Variants in PARP6 observed in about 807,000 individuals in gnomAD.
PARP6 encodes the protein poly(ADP-ribose) polymerase family member 6, also known as protein mono-ADP-ribosyltransferase PARP6.
PARP6 carries 27 observed loss-of-function variants against 92.0 expected under a neutral mutation model. The ratio of observed to expected loss-of-function variants is 0.29; its 90% CI spans 0.22 to 0.40. PARP6 has a LOEUF of 0.40. PARP6 is among the 10% of genes least tolerant of loss of function. PARP6 has a pLI of 1.00. For synonymous variants in PARP6, 272 were observed against 281.2 expected, an observed-to-expected ratio of 0.97 and a Z score of 0.33; for missense variants, 501 against 784.5, an observed-to-expected ratio of 0.64 and a Z score of 4.32.
intron 8 of PARP6, among the ~76,000 whole-genome samples, chr15:72,263,455 T>A (rs754230566): frequency 8.5e-5 from 13 of 152,212 alleles, no homozygotes; most frequent in Non-Finnish European, 1.9e-4. Context: ...GCTACCAGAA[T>A]GGTTTTTAAA....
chr15:72,266,856 T>G (rs2086662198), intron 3 of PARP6, 34 bp from the exon 4 acceptor site: 1 of 1,509,622 alleles, frequency 6.6e-7, no homozygotes, highest in Non-Finnish European at 9.2e-7. Context: ...CATGCTTTGT[T>G]AGGTCCCTAT....
chr15:72,267,760 T>TA (rs924690885), intron 2 of PARP6, 89 bp from the exon 3 acceptor site: 3 of 346,678 alleles, frequency 8.7e-6, no homozygotes, highest in African/African-American at 6.4e-5. Context: ...CAATACACTT[T>TA]TTTTTTTTGA....
chr15:72,260,497 G>T lies in PARP6; in HGVS notation c.737C>A (p.Pro246Gln). Residue 246 changes from proline to glutamine, a missense_variant, in exon 10 of 24, where the codon CCA becomes CAA. Transcript: ENST00000569795. ...LCPQHVGLPP[P>Q]ARTSPLVSGH... ...ATGTACCAAAGGAGAGGTCCGTGCTGGGGGAGGGAGGCCCACGTGCTGAGG... is the reference window on the plus strand; with the variant it reads ...ATGTACCAAAGGAGAGGTCCGTGCTTGGGGAGGGAGGCCCACGTGCTGAGG... 6.8e-6 allele frequency: 11 copies of T among 1,613,928 alleles called. No homozygotes were observed. Among genetic ancestry groups the T allele is most frequent in the Non-Finnish European group, 9.3e-6 (11 of 1,179,778 alleles).
chr15:72,255,784 C>CTT lies in PARP6; in HGVS notation c.1125+679_1125+680dup, dbSNP rs67560148. Among the ~76,000 whole-genome samples the CTT allele has an allele frequency of 1.6e-4, 15 of 92,808 alleles. 1 individual carries two copies. Among genetic ancestry groups the CTT allele is most frequent in the African/African-American group, 5.9e-4 (15 of 25,306 alleles). 60.9% of individuals were successfully genotyped at this position (92,808 alleles called of 152,430 possible). On this transcript the variant is annotated intron_variant, in intron 14 of 23. Transcript: ENST00000569795. The stretch of plus-strand genomic sequence containing the variant: ...AGTACTTTACATATATTACTTCTCT[C>CTT]TTTTTTTTTTTTTTTTTTTTTTTTT...
At chr15:72,252,630 C>T (rs980035286) in intron 16 of PARP6, among the ~76,000 whole-genome samples, 2 of 152,046 alleles carry the variant, frequency 1.3e-5, no homozygotes, top group African/African-American at 4.8e-5. Flanking sequence ...GGACTACAGG[C>T]ATGGGCCACC....
At chr15:72,271,706 G>A (rs999316116) in intron 1 of PARP6, among the ~76,000 whole-genome samples, 1 of 152,176 alleles carries the variant, frequency 6.6e-6, no homozygotes, top group Non-Finnish European at 1.5e-5. Flanking sequence ...TGTTAATGAA[G>A]TAAGCAAGAA....
chr15:72,242,722 C>T lies in PARP6; in HGVS notation c.1562-23G>A. 6.5e-7 allele frequency: 1 copy of T among 1,537,492 alleles called. No individual in the cohort carries two copies. The highest frequency in any genetic ancestry group is 8.9e-7 in the Non-Finnish European group (1 of 1,124,236). ...TTCCTGTCACAGAACAATACACCCA[C>T]TTCATTTATCAAAAATTTACGAAAG... is the stretch of plus-strand genomic sequence containing the variant. On this transcript the variant is annotated intron_variant, in intron 20 of 23. Transcript: ENST00000569795. The surrounding 1 kb of genome is among the most constrained non-coding windows in gnomAD (Gnocchi z 4.3).
intron 19 of PARP6, among the ~76,000 whole-genome samples, chr15:72,249,680 A>G (rs1244344897): frequency 6.6e-6 from 1 of 152,270 alleles, no homozygotes; most frequent in Non-Finnish European, 1.5e-5. Context: ...CTCAGGGCAT[A>G]GAAAAAGTCT....
Position 72,250,005 on chromosome 15 carries a change from G to A in PARP6, c.1491+15C>T. 1.9e-6 allele frequency: 3 copies of A among 1,549,520 alleles called. No homozygotes were observed. The highest frequency in any genetic ancestry group is 2.7e-6 in the Non-Finnish European group (3 of 1,120,832). On this transcript the variant is annotated intron_variant, in intron 19 of 23. Transcript: ENST00000569795. ...GGAGCGGTTAGAAATAAAGGAGAAA[G>A]GGGCACAGCCTCACCTGCAGTTTGG...
Position 72,245,770 on chromosome 15 carries a change from C to T in PARP6, c.1562-3071G>A, listed in dbSNP as rs947297161. 9.2e-5 allele frequency: 14 copies of T among 152,112 alleles called. No homozygotes were observed. The East Asian group carries it at 1.2e-3, about 13-fold the overall frequency. 9.4% of individuals were successfully genotyped at this position (152,112 alleles called of 1,614,324 possible). A position where few individuals can be genotyped will look rare whatever the true frequency, so the allele number is the denominator to read the frequency against. On this transcript the variant is annotated intron_variant, in intron 20 of 23. Transcript: ENST00000569795. ...TAATCGGTTAAGTGATGAAGAAAGA[C>T]GAGAGGTCAACAGAGATTTCTGGCT...
chr15:72,267,742 G>A (rs1239631006), intron 2 of PARP6, 71 bp from the exon 3 acceptor site: 5 of 423,606 alleles, frequency 1.2e-5, no homozygotes, highest in Admixed American at 4.0e-5. Flanking sequence ...ACAGGCACAC[G>A]TATTTATCAA....
At chr15:72,249,943 A>C (rs1321570810) in intron 19 of PARP6, 77 bp downstream of exon 19, 2 of 926,952 alleles carry the variant, frequency 2.2e-6, no homozygotes, top group Non-Finnish European at 3.6e-6. Flanking sequence ...AAAACAGCTT[A>C]CTCTAGAGCA....
chr15:72,269,814 A>C (rs898707814), intron 2 of PARP6, among the ~76,000 whole-genome samples: 3 of 149,936 alleles, frequency 2.0e-5, no homozygotes, highest in African/African-American at 7.4e-5. Flanking sequence ...CAGGAGAATC[A>C]CTTGACCTAC....
rs368780724 is a variant in PARP6, at chr15:72,266,036, C to T, written c.82-45G>A. ...GGTGGTGGAGAGAGGTGGAAAAAGA[C>T]GAGGGAAAGAGAGAGATAATAAAAA... On this transcript the variant is annotated intron_variant, in intron 4 of 23. Transcript: ENST00000569795. 285 of 1,227,796 alleles carry T rather than the reference C, an allele frequency of 2.3e-4. 2 individuals are homozygous for T. Among genetic ancestry groups the T allele is most frequent in the Middle Eastern group, 3.8e-4 (2 of 5,282 alleles). 76.1% of individuals were successfully genotyped at this position (1,227,796 alleles called of 1,614,324 possible). A position where few individuals can be genotyped will look rare whatever the true frequency, so the allele number is the denominator to read the frequency against.
chr15:72,256,425 C>A (rs1199675728), intron 14 of PARP6, 40 bp downstream of exon 14: 1 of 1,458,862 alleles, frequency 6.9e-7, no homozygotes, highest in South Asian at 1.5e-5. Context: ...TATCTTTTAT[C>A]ATTTCTGTTC....
chr15:72,257,322 C>G (rs1036622973), intron 13 of PARP6, 26 bp downstream of exon 13: 1 of 1,544,768 alleles, frequency 6.5e-7, no homozygotes, highest in Admixed American at 1.7e-5. Context: ...ATCCCAATTC[C>G]CCAGCCACGT....
intron 15 of PARP6, chr15:72,253,736 C>T (rs1402610941): frequency 1.5e-6 from 1 of 667,888 alleles, no homozygotes; most frequent in Non-Finnish European, 2.7e-6. Context: ...AGGTGGGTCT[C>T]CCTCATTTTA....
intron 20 of PARP6, chr15:72,243,802 A>G (rs889969932): frequency 3.3e-5 from 5 of 152,216 alleles, no homozygotes; most frequent in African/African-American, 1.2e-4. Flanking sequence ...AGAGATGAAG[A>G]TGGAGATGAT....
chr15:72,248,605 C>A, intron 20 of PARP6, among the ~76,000 whole-genome samples: 1 of 152,150 alleles, frequency 6.6e-6, no homozygotes, highest in South Asian at 2.1e-4. Context: ...TGTACAGAGA[C>A]TACATCAAAC....
Sources: gnomAD v4.1 joint callset for allele counts (sites outside exome capture counted in the v4.1 genomes callset) on GRCh38, gnomAD v4.1.1 for gene constraint, Gnocchi (gnomAD v3.1) non-coding constraint, MANE v1.5 for transcripts, NCBI Gene and HGNC (gene_info 2026-07-23, HGNC 2026-07-21) for gene names.